LRP1B: variants seen among roughly 807,000 people sequenced by gnomAD.
The protein encoded by LRP1B is low-density lipoprotein receptor-related protein 1B.
In LRP1B, 217 loss-of-function variants were observed where a neutral mutation model predicts 556.6. That is an observed-to-expected ratio of 0.39 (90% CI 0.35 to 0.44). The LOEUF (loss-of-function observed/expected upper bound fraction) is 0.44, where lower values mean the gene tolerates loss of function less well. LRP1B is among the 20% of genes least tolerant of loss of function. The pLI, the probability that LRP1B is intolerant of heterozygous loss-of-function variation, is 1.00. For missense variants in LRP1B, 5,053 were observed against 5,620.8 expected (o/e 0.90, Z 3.23); for synonymous variants, 2,047 against 1,865.8 (o/e 1.10, Z -2.50).
intron 17 of LRP1B, among the ~76,000 whole-genome samples, chr2:140,983,383 T>A (rs1239589940): frequency 1.3e-5 from 2 of 152,030 alleles, no homozygotes; most frequent in African/African-American, 4.8e-5. Flanking sequence ...AAGGGAATCT[T>A]GCTGAGTTTA....
intron 1 of LRP1B, among the ~76,000 whole-genome samples, chr2:141,880,713 A>C (rs968884715): frequency 6.6e-6 from 1 of 152,056 alleles, no homozygotes; most frequent in African/African-American, 2.4e-5. Context: ...ATTTGGAAAA[A>C]AGTATCAATA....
intron 2 of LRP1B, among the ~76,000 whole-genome samples, chr2:141,797,796 A>G (rs563246134): frequency 8.5e-5 from 13 of 152,338 alleles, no homozygotes; most frequent in East Asian, 5.8e-4. Context: ...AAAGTGTACC[A>G]TAACTTACGG....
chr2:140,314,045 C>T (rs920534622), intron 83 of LRP1B, among the ~76,000 whole-genome samples: 2 of 151,866 alleles, frequency 1.3e-5, no homozygotes, highest in African/African-American at 4.8e-5. Flanking sequence ...TCAGTTAGCA[C>T]TATATTAAAT....
chr2:141,877,361 C>A (rs1698803578), intron 1 of LRP1B, among the ~76,000 whole-genome samples: 1 of 151,932 alleles, frequency 6.6e-6, no homozygotes, highest in African/African-American at 2.4e-5. Context: ...CATTTCCCAA[C>A]CATGACTGCA....
intron 1 of LRP1B, among the ~76,000 whole-genome samples, chr2:142,013,681 TA>T (rs1322807348): frequency 6.6e-6 from 1 of 152,160 alleles, no homozygotes; most frequent in Non-Finnish European, 1.5e-5. Context: ...TGAATGGAAC[TA>T]TTTCAGAAAT....
chr2:141,806,907 T>C (rs1199558153), intron 2 of LRP1B, among the ~76,000 whole-genome samples: 2 of 152,082 alleles, frequency 1.3e-5, no homozygotes, highest in East Asian at 1.9e-4. Flanking sequence ...TCTATCATTT[T>C]AAAGCTAAGT....
chr2:141,323,085 C>G (rs867532533), intron 3 of LRP1B, among the ~76,000 whole-genome samples: 1 of 152,074 alleles, frequency 6.6e-6, no homozygotes, highest in Middle Eastern at 3.2e-3. Context: ...ATTACTATTA[C>G]TACTGCTGCT....
At chr2:141,949,604 G>C (rs937807411) in intron 1 of LRP1B, among the ~76,000 whole-genome samples, 1 of 152,110 alleles carries the variant, frequency 6.6e-6, no homozygotes, top group African/African-American at 2.4e-5. Flanking sequence ...TGGCCAGGAT[G>C]GTCTGTATCT....
intron 1 of LRP1B, among the ~76,000 whole-genome samples, chr2:141,974,038 T>C (rs1287339128): frequency 6.6e-6 from 1 of 151,942 alleles, no homozygotes; most frequent in Non-Finnish European, 1.5e-5. Context: ...ATGCTAAGTA[T>C]GAATTGATTA....
chr2:141,315,083 C>T (rs952356444), intron 3 of LRP1B, among the ~76,000 whole-genome samples: 2 of 150,310 alleles, frequency 1.3e-5, no homozygotes, highest in Admixed American at 1.3e-4. Context: ...ACGGTACTCT[C>T]ACAAAGAGCT....
chr2:141,697,642 C>A (rs150198223), intron 2 of LRP1B, among the ~76,000 whole-genome samples: 1 of 151,940 alleles, frequency 6.6e-6, no homozygotes, highest in Non-Finnish European at 1.5e-5. Context: ...AGGATAGATC[C>A]CATAAGCCTC....
intron 20 of LRP1B, among the ~76,000 whole-genome samples, chr2:140,936,249 C>T (rs1695200984): frequency 7.1e-6 from 1 of 140,566 alleles, no homozygotes; most frequent in Non-Finnish European, 1.5e-5. Flanking sequence ...CTGAGGCAGG[C>T]AGATTGCTTG....
At position 141,750,020 on chromosome 2, in the gene LRP1B, G is replaced by C. The variant is rs145008234; in HGVS notation, c.205+60259C>G. On this transcript the variant is annotated intron_variant, in intron 2 of 90. Transcript: ENST00000389484. ...CTAAGCATTGGCAAACTAAAGACCAGTTTAGCAAATCAATAGCCAGTGAGT... is the reference window on the plus strand; with the variant it reads ...CTAAGCATTGGCAAACTAAAGACCACTTTAGCAAATCAATAGCCAGTGAGT... 2.1e-3 allele frequency among the ~76,000 whole-genome samples: 314 copies of C among 152,228 alleles called. 2 individuals are homozygous for C. Among genetic ancestry groups the C allele is most frequent in the Middle Eastern group, 0.01 (3 of 294 alleles).
At chr2:140,379,209 A>G (rs1411593143) in intron 67 of LRP1B, among the ~76,000 whole-genome samples, 1 of 152,184 alleles carries the variant, frequency 6.6e-6, no homozygotes, top group Non-Finnish European at 1.5e-5. Flanking sequence ...ACATAATAAT[A>G]TTCTTACTGG....
At chr2:141,398,168 C>A (rs190788789) in intron 3 of LRP1B, among the ~76,000 whole-genome samples, 1 of 152,146 alleles carries the variant, frequency 6.6e-6, no homozygotes, top group African/African-American at 2.4e-5. Context: ...AAAGTATAAT[C>A]TTAAGAGTGA....
At chr2:141,814,075 C>T (rs564899250) in intron 1 of LRP1B, among the ~76,000 whole-genome samples, 3 of 152,244 alleles carry the variant, frequency 2.0e-5, no homozygotes, top group African/African-American at 7.2e-5. Flanking sequence ...TGACATTTCA[C>T]TTTATGCAAA....
At chr2:141,216,702 T>G (rs1682830665) in intron 6 of LRP1B, among the ~76,000 whole-genome samples, 1 of 152,184 alleles carries the variant, frequency 6.6e-6, no homozygotes, top group South Asian at 2.1e-4. Context: ...GCCCTAGGTA[T>G]AAGACATGGA....
chr2:141,544,581 A>G (rs1685486143), intron 2 of LRP1B, among the ~76,000 whole-genome samples: 1 of 151,514 alleles, frequency 6.6e-6, no homozygotes, highest in Non-Finnish European at 1.5e-5. Flanking sequence ...GCATGCAGAG[A>G]GAAGTTTACC....
chr2:140,252,410 T>C (rs1490552192), intron 86 of LRP1B, among the ~76,000 whole-genome samples: 1 of 151,966 alleles, frequency 6.6e-6, no homozygotes, highest in Non-Finnish European at 1.5e-5. Context: ...ATCTAACTTC[T>C]ATAAGAATCC....
Sources: gnomAD v4.1 joint callset for allele counts (sites outside exome capture counted in the v4.1 genomes callset) on GRCh38, gnomAD v4.1.1 for gene constraint, MANE v1.5 for transcripts, NCBI Gene and HGNC (gene_info 2026-07-23, HGNC 2026-07-21) for gene names.